Variants in EVL observed in about 807,000 individuals in gnomAD.
EVL encodes ena/VASP-like protein.
In EVL, 21 loss-of-function variants were observed where a neutral mutation model predicts 59.6. That is an observed-to-expected ratio of 0.35 (90% CI 0.25 to 0.51). The LOEUF (loss-of-function observed/expected upper bound fraction) is 0.51, where lower values mean the gene tolerates loss of function less well. Ranked by LOEUF, EVL falls within the 20% of genes least tolerant of loss-of-function variation. EVL has a pLI of 0.97. For missense variants in EVL, 462 were observed against 546.6 expected (o/e 0.85, Z 1.54); for synonymous variants, 198 against 203.5 (o/e 0.97, Z 0.23).
At chr14:100,134,803 C>T (rs1888665651) in intron 8 of EVL, 1 of 152,224 alleles carries the variant, frequency 6.6e-6, no homozygotes, top group Non-Finnish European at 1.5e-5. Context: ...CTCCGAGGAC[C>T]AGTTCCACCA....
In EVL at chr14:100,092,553, G is replaced by A. The variant is rs568572259; in HGVS notation, c.181-4928G>A. 3.3e-5 allele frequency among the ~76,000 whole-genome samples: 5 copies of A among 152,192 alleles called. No individual in the cohort carries two copies. The South Asian group carries it at 1.0e-3, about 32-fold the overall frequency. On this transcript the variant is annotated intron_variant, in intron 2 of 13. Coordinates refer to ENST00000392920, the MANE Select transcript of EVL (RefSeq NM_016337.3). The stretch of plus-strand genomic sequence containing the variant: ...GTTTCAAGATCAGCCTGGCCAACAT[G>A]GTGAAACCCCATCAATACTAAAAAT...
chr14:100,128,363 C>T (rs1052377741), intron 5 of EVL, among the ~76,000 whole-genome samples, 156 bp from the exon 6 acceptor site: 2 of 152,196 alleles, frequency 1.3e-5, no homozygotes, highest in African/African-American at 4.8e-5. Flanking sequence ...GTTCATCCCG[C>T]GGAGGCTTCC....
At chr14:100,087,032 G>A (rs7146402) in intron 2 of EVL, among the ~76,000 whole-genome samples, 58,500 of 152,092 alleles carry the variant, frequency 0.38, 14,524 homozygotes, top group African/African-American at 0.71. Context: ...CAGACATGTT[G>A]AGAGAATCAA....
chr14:100,131,591 C>T (rs1888440325), intron 7 of EVL, among the ~76,000 whole-genome samples: 1 of 152,186 alleles, frequency 6.6e-6, no homozygotes, highest in Non-Finnish European at 1.5e-5. Flanking sequence ...CTACACTCCC[C>T]GTGAGCAGGT....
At chr14:100,085,921 T>A (rs8003831) in intron 2 of EVL, among the ~76,000 whole-genome samples, 60,375 of 151,162 alleles carry the variant, frequency 0.4, 15,866 homozygotes, top group African/African-American at 0.75. Flanking sequence ...AGGTCAGGAG[T>A]TCAAGACCAG....
upstream of EVL, among the ~76,000 whole-genome samples, chr14:100,062,597 T>C (rs963965404): frequency 1.2e-4 from 19 of 152,142 alleles, no homozygotes; most frequent in Non-Finnish European, 2.8e-4. Flanking sequence ...TCCATCTACA[T>C]CAATAAACTA....
In EVL at chr14:100,109,453, C is replaced by T. The variant is rs1447689330; in HGVS notation, c.358+11795C>T. 10 of 396,798 alleles carry T rather than the reference C, an allele frequency of 2.5e-5. No homozygotes were observed. Among genetic ancestry groups the T allele is most frequent in the Admixed American group, 5.8e-5 (2 of 34,198 alleles). 24.6% of individuals were successfully genotyped at this position (396,798 alleles called of 1,614,324 possible). A position where few individuals can be genotyped will look rare whatever the true frequency, so the allele number is the denominator to read the frequency against. ...TTGTTTGTCTAGACTGTGAGCTCCT[C>T]GAGGGCAGGTGTCTGTTTCTGTGTC... On this transcript the variant is annotated intron_variant, in intron 3 of 13. Coordinates refer to ENST00000392920, the MANE Select transcript of EVL (RefSeq NM_016337.3). This position sits in a 1 kb window ranked among gnomAD's most constrained non-coding sequence, Gnocchi z 4.3.
intron 1 of EVL, among the ~76,000 whole-genome samples, chr14:99,996,293 G>C (rs1280560865): frequency 6.6e-6 from 1 of 152,030 alleles, no homozygotes; most frequent in Non-Finnish European, 1.5e-5. Flanking sequence ...ACTGGTTTCT[G>C]GATTTCTCAC....
At chr14:100,085,599 T>G (rs1051169023) in intron 2 of EVL, among the ~76,000 whole-genome samples, 1 of 152,214 alleles carries the variant, frequency 6.6e-6, no homozygotes, top group Non-Finnish European at 1.5e-5. Context: ...AAAAAGTCTA[T>G]ATAAACAGCA....
intron 1 of EVL, among the ~76,000 whole-genome samples, chr14:100,017,516 C>T (rs2061060424): frequency 6.6e-6 from 1 of 152,200 alleles, no homozygotes; most frequent in African/African-American, 2.4e-5. Flanking sequence ...CCAACTCCTA[C>T]TTTATTGGTT....
At chr14:99,984,397 A>G (rs2060826952) in intron 1 of EVL, among the ~76,000 whole-genome samples, 1 of 152,190 alleles carries the variant, frequency 6.6e-6, no homozygotes, top group Non-Finnish European at 1.5e-5. Flanking sequence ...GTATGTATGT[A>G]TGTGTCTTTC....
chr14:100,010,130 G>T (rs1016873556), intron 1 of EVL, among the ~76,000 whole-genome samples: 7 of 152,198 alleles, frequency 4.6e-5, no homozygotes, highest in African/African-American at 1.4e-4. Context: ...GTTCTCTATA[G>T]AATGCAGATT....
intron 2 of EVL, among the ~76,000 whole-genome samples, chr14:100,088,397 G>C (rs186720850): frequency 6.6e-6 from 1 of 152,296 alleles, no homozygotes; most frequent in Non-Finnish European, 1.5e-5. Context: ...TTAATGATGA[G>C]GATACATCCT....
intron 1 of EVL, among the ~76,000 whole-genome samples, chr14:99,973,010 C>T (rs1038767675): frequency 6.6e-6 from 1 of 152,122 alleles, no homozygotes; most frequent in Admixed American, 6.5e-5. Context: ...CTATAGTATT[C>T]TGTTGTAAGA....
At chr14:100,049,043 T>TA (rs1195581923) in intron 1 of EVL, among the ~76,000 whole-genome samples, 1 of 152,146 alleles carries the variant, frequency 6.6e-6, no homozygotes, top group Non-Finnish European at 1.5e-5. Flanking sequence ...ATGTAGGTGT[T>TA]ACATTCATGG....
rs929149719 is a variant in EVL, at chr14:100,109,287, A to G, written c.358+11629A>G. 3.0e-5 allele frequency: 10 copies of G among 336,380 alleles called. No individual in the cohort carries two copies. Among genetic ancestry groups the G allele is most frequent in the Non-Finnish European group, 5.2e-5 (9 of 171,926 alleles). 20.8% of individuals were successfully genotyped at this position (336,380 alleles called of 1,614,324 possible). A position where few individuals can be genotyped will look rare whatever the true frequency, so the allele number is the denominator to read the frequency against. ...AGGGGCCCCGCCCCTGCCCTCATGC[A>G]TGTTCTCTCCATACTCCTGGTCACC... is the stretch of plus-strand genomic sequence containing the variant. On this transcript the variant is annotated intron_variant, in intron 3 of 13. Transcript: ENST00000392920. The surrounding 1 kb of genome is among the most constrained non-coding windows in gnomAD (Gnocchi z 4.3).
chr14:99,988,463 T>G (rs2060854283), intron 1 of EVL, among the ~76,000 whole-genome samples: 1 of 152,228 alleles, frequency 6.6e-6, no homozygotes, highest in African/African-American at 2.4e-5. Context: ...CCTCACATAT[T>G]GGAGCCCTCG....
chr14:100,022,118 G>A (rs1387271162), intron 1 of EVL, among the ~76,000 whole-genome samples: 1 of 151,948 alleles, frequency 6.6e-6, no homozygotes, highest in Non-Finnish European at 1.5e-5. Context: ...TAAACTTTAT[G>A]AATTACAGCA....
At chr14:100,020,321 G>C (rs1484003955) in intron 1 of EVL, among the ~76,000 whole-genome samples, 2 of 152,072 alleles carry the variant, frequency 1.3e-5, no homozygotes, top group Non-Finnish European at 2.9e-5. Context: ...TCTTCTCCAG[G>C]AATCTATCCC....
Sources: gnomAD v4.1 joint callset for allele counts (sites outside exome capture counted in the v4.1 genomes callset) on GRCh38, gnomAD v4.1.1 for gene constraint, Gnocchi (gnomAD v3.1) non-coding constraint, MANE v1.5 for transcripts, NCBI Gene and HGNC (gene_info 2026-07-23, HGNC 2026-07-21) for gene names.